The following DCLK2 variants were observed in gnomAD, a reference collection of about 807,000 sequenced individuals.
The protein encoded by DCLK2 is doublecortin like kinase 2.
In DCLK2, 31 loss-of-function variants were observed where a neutral mutation model predicts 78.4. That is an observed-to-expected ratio of 0.40 (90% confidence interval 0.30 to 0.53). The LOEUF (loss-of-function observed/expected upper bound fraction) is 0.53, where lower values mean the gene tolerates loss of function less well. Among genes scored for constraint, DCLK2 ranks in the 20% least tolerant of loss-of-function variants. The pLI, the probability that DCLK2 is intolerant of heterozygous loss-of-function variation, is 0.61. For missense variants in DCLK2, 872 were observed against 973.7 expected (o/e 0.90, Z 1.39); for synonymous variants, 407 against 374.9 (o/e 1.09, Z -0.99).
chr4:150,207,142 T>G (rs1170281606), intron 5 of DCLK2, among the ~76,000 whole-genome samples: 1 of 152,190 alleles, frequency 6.6e-6, no homozygotes, highest in Non-Finnish European at 1.5e-5. Flanking sequence ...AGTTAGATGC[T>G]CTAATGGCCT....
At chr4:150,109,059 G>C (rs1392964949) in intron 2 of DCLK2, among the ~76,000 whole-genome samples, 1 of 152,042 alleles carries the variant, frequency 6.6e-6, no homozygotes, top group Non-Finnish European at 1.5e-5. Context: ...AAAAAGTTTA[G>C]CTATTTCATA....
intron 7 of DCLK2, among the ~76,000 whole-genome samples, chr4:150,224,167 T>C (rs1026003457): frequency 6.6e-6 from 1 of 152,158 alleles, no homozygotes; most frequent in African/African-American, 2.4e-5. Flanking sequence ...GGCTTTGTTT[T>C]TGTTTTTAAT....
chr4:150,107,817 T>C (rs1731382291), intron 2 of DCLK2, among the ~76,000 whole-genome samples: 1 of 152,034 alleles, frequency 6.6e-6, no homozygotes, highest in African/African-American at 2.4e-5. Context: ...AAGTGAAGTG[T>C]AAGGTTAGCT....
At chr4:150,156,746 TTTATTTA>T (rs1162827965) in intron 2 of DCLK2, among the ~76,000 whole-genome samples, 10 of 32,628 alleles carry the variant, frequency 3.1e-4, no homozygotes, top group Non-Finnish European at 5.7e-4. Context: ...AACTATTTTA[TTTATTTA>T]TTTATTTATT....
At chr4:150,104,764 TA>T (rs1458700331) in intron 2 of DCLK2, among the ~76,000 whole-genome samples, 3 of 134,354 alleles carry the variant, frequency 2.2e-5, no homozygotes, top group Non-Finnish European at 3.4e-5. Context: ...GGTGATTTTT[TA>T]AAATTACACT....
chr4:150,114,064 T>C (rs1338992153), intron 2 of DCLK2, among the ~76,000 whole-genome samples: 1 of 152,206 alleles, frequency 6.6e-6, no homozygotes, highest in Non-Finnish European at 1.5e-5. Context: ...GAGGGTTCTT[T>C]TTGTAGTTAA....
intron 2 of DCLK2, among the ~76,000 whole-genome samples, chr4:150,153,993 C>T (rs999270186): frequency 5.3e-5 from 8 of 152,150 alleles, no homozygotes; most frequent in African/African-American, 1.9e-4. Context: ...CACAAAAGGG[C>T]GTAATTTCAG....
intron 2 of DCLK2, among the ~76,000 whole-genome samples, chr4:150,170,343 C>T (rs762082466): frequency 3.3e-5 from 5 of 152,012 alleles, no homozygotes; most frequent in Non-Finnish European, 7.4e-5. Flanking sequence ...CATGCCCGGC[C>T]AGTTTTTTTT....
chr4:150,152,054 G>C (rs2150230304), intron 2 of DCLK2, among the ~76,000 whole-genome samples: 1 of 152,230 alleles, frequency 6.6e-6, no homozygotes, highest in South Asian at 2.1e-4. Context: ...GCATTAGTTT[G>C]AATCACATAT....
At chr4:150,143,442 C>T (rs1734242520) in intron 2 of DCLK2, among the ~76,000 whole-genome samples, 1 of 152,138 alleles carries the variant, frequency 6.6e-6, no homozygotes, top group Non-Finnish European at 1.5e-5. Context: ...CCAGGAGTTC[C>T]AGACAAGCCT....
At position 150,117,003 on chromosome 4, in the gene DCLK2, A is replaced by G. The variant is rs570531143; in HGVS notation, c.756+14191A>G. Among the ~76,000 whole-genome samples, 3 of 152,248 alleles carry G rather than the reference A, an allele frequency of 2.0e-5. 1 individual carries two copies. The South Asian group carries it at 6.2e-4, about 32-fold the overall frequency. ...TGTCTTAGGCGATGGGCAGTGCCAT[A>G]AGGCTTCCAAAAGTTTCTGTTCTTT... On this transcript the variant is annotated intron_variant, in intron 2 of 15. Transcript: ENST00000296550.
At chr4:150,124,717 C>T (rs193148723) in intron 2 of DCLK2, among the ~76,000 whole-genome samples, 178 of 152,254 alleles carry the variant, frequency 1.2e-3, no homozygotes, top group Admixed American at 2.4e-3. Context: ...CAAATTTTAA[C>T]ATCTTAGATG....
chr4:150,246,542 G>A (rs1474237935), intron 12 of DCLK2, among the ~76,000 whole-genome samples: 10 of 152,296 alleles, frequency 6.6e-5, no homozygotes, highest in South Asian at 6.2e-4. Flanking sequence ...CACACTCGCC[G>A]GGTAATACTT....
chr4:150,153,168 T>G (rs1027138500), intron 2 of DCLK2, among the ~76,000 whole-genome samples: 1 of 152,196 alleles, frequency 6.6e-6, no homozygotes, highest in Non-Finnish European at 1.5e-5. Flanking sequence ...CCATTGCAGA[T>G]CCCACCATTG....
intron 2 of DCLK2, among the ~76,000 whole-genome samples, chr4:150,154,847 A>G (rs1735151991): frequency 6.6e-6 from 1 of 152,242 alleles, no homozygotes; most frequent in South Asian, 2.1e-4. Context: ...ACAAGTGTAT[A>G]GTCATGTGAC....
chr4:150,226,896 G>A lies in DCLK2; in HGVS notation c.1299+2338G>A, dbSNP rs541135526. On this transcript the variant is annotated intron_variant, in intron 8 of 15. Transcript: ENST00000296550. ...AGAGAATTTTTGTTAATTTGAGGGG[G>A]TGGTATTCAGTCACTGTTTTGGAGT... Among the ~76,000 whole-genome samples the A allele has an allele frequency of 7.2e-5, 11 of 152,176 alleles. No individual in the cohort carries two copies. In the South Asian group the frequency reaches 1.9e-3, roughly 26 times the overall value.
intron 2 of DCLK2, among the ~76,000 whole-genome samples, chr4:150,187,815 T>TG (rs1308295089): frequency 2.0e-5 from 3 of 151,238 alleles, no homozygotes; most frequent in Non-Finnish European, 3.0e-5. Flanking sequence ...TTTTTTTTTT[T>TG]TTTGTGACAG....
At chr4:150,188,798 G>C (rs995169866) in intron 2 of DCLK2, among the ~76,000 whole-genome samples, 4 of 151,650 alleles carry the variant, frequency 2.6e-5, no homozygotes, top group African/African-American at 7.3e-5. Flanking sequence ...CCAGCTACTC[G>C]GGAGGCTGAG....
In DCLK2 at chr4:150,193,211, C is replaced by A; in HGVS notation, c.830C>A (p.Ala277Asp). 1 of 1,610,854 alleles carries A rather than the reference C, an allele frequency of 6.2e-7. No homozygotes were observed. Among genetic ancestry groups the A allele is most frequent in the Non-Finnish European group, 8.5e-7 (1 of 1,177,756 alleles). Residue 277 changes from alanine to aspartate, a missense_variant, in exon 3 of 16, where the codon GCC (alanine) becomes GAC (aspartate). This residue lies in a region of DCLK2 where 567 missense variants were observed against 593.4 expected (regional missense o/e 0.96). Coordinates refer to ENST00000296550, the MANE Select transcript of DCLK2 (RefSeq NM_001040260.4). Reference protein sequence around the residue: ...IACGPEKFRYAQDDFVLDHSE... With the variant: ...IACGPEKFRYDQDDFVLDHSE... ...TGTGGACCAGAAAAATTTCGTTATG[C>A]CCAAGATGACTTTGTCCTGGATCAT...
Sources: gnomAD v4.1 joint callset for allele counts (sites outside exome capture counted in the v4.1 genomes callset) on GRCh38, gnomAD v4.1.1 for gene constraint, gnomAD v4.1.1 regional missense constraint, MANE v1.5 for transcripts, NCBI Gene and HGNC (gene_info 2026-07-23, HGNC 2026-07-21) for gene names.